Variants in ACO1 observed in about 807,000 individuals in gnomAD.
ACO1 encodes the protein aconitase 1.
Under a neutral mutation model 105.1 loss-of-function variants are expected in ACO1, and 78 were observed. That is an observed-to-expected ratio of 0.74 (90% CI 0.62 to 0.90). The LOEUF is 0.90. Among genes scored for constraint, ACO1 ranks in the 40% least tolerant of loss-of-function variants. The pLI, the probability that ACO1 is intolerant of heterozygous loss-of-function variation, is 0.00. For synonymous variants in ACO1, 364 were observed against 397.4 expected, an observed-to-expected ratio of 0.92 and a Z score of 1.00; for missense variants, 965 against 1,111.1, an observed-to-expected ratio of 0.87 and a Z score of 1.87.
intron 15 of ACO1, 22 bp downstream of exon 15, chr9:32,431,865 C>T (rs2118517139): frequency 6.2e-7 from 1 of 1,613,242 alleles, no homozygotes; most frequent in East Asian, 2.2e-5. Context: ...CACTGCCCTC[C>T]CCGCCCCAGA....
At chr9:32,431,989 T>G in intron 15 of ACO1, 146 bp downstream of exon 15, 1 of 986,014 alleles carries the variant, frequency 1.0e-6, no homozygotes, top group Non-Finnish European at 1.4e-6. Context: ...GAGGTGGTTC[T>G]CCGTCATTTT....
At position 32,394,261 on chromosome 9, in the gene ACO1, C is replaced by G. The variant is rs1013558428; in HGVS notation, c.-23+9526C>G. 2.6e-5 allele frequency among the ~76,000 whole-genome samples: 4 copies of G among 152,204 alleles called. No homozygotes were observed. In the South Asian group the frequency reaches 8.3e-4, roughly 32 times the overall value. ...TCCCTAGAGTCCTTTCTCTCCCCCT[C>G]TGATGCTCTGATGCTGGATTAGGTG... On this transcript the variant is annotated intron_variant, in intron 1 of 20. Coordinates refer to ENST00000309951, the MANE Select transcript of ACO1 (RefSeq NM_002197.3).
At chr9:32,434,147 A>C (rs187017702) in intron 16 of ACO1, among the ~76,000 whole-genome samples, 101 of 152,282 alleles carry the variant, frequency 6.6e-4, no homozygotes, top group African/African-American at 2.4e-3. Flanking sequence ...CCTTATACCC[A>C]TAAAAACCAG....
intron 4 of ACO1, among the ~76,000 whole-genome samples, chr9:32,414,826 T>C (rs1433124864): frequency 6.6e-6 from 1 of 152,178 alleles, no homozygotes; most frequent in Non-Finnish European, 1.5e-5. Flanking sequence ...TTTAAAAAAA[T>C]TAAATCCATT....
Position 32,452,125 on chromosome 9 carries a change from CAAGTT to C in ACO1, c.*2018_*2022del, listed in dbSNP as rs944312028. ...ATTGTACAAAAAAACCTGTGATCCT[CAAGTT>C]AAGATCAGTCCTAGAATAAAAACAC... On this transcript the variant is annotated 3_prime_UTR_variant, in exon 21 of 21. Coordinates refer to ENST00000309951, the MANE Select transcript of ACO1 (RefSeq NM_002197.3). 1 of 152,048 alleles carries C rather than the reference CAAGTT, an allele frequency of 6.6e-6. No homozygotes were observed. The highest frequency in any genetic ancestry group is 1.5e-5 in the Non-Finnish European group (1 of 68,036). The allele number at this position is 152,048 out of a possible 1,614,324, so 9.4% of individuals were successfully genotyped here.
chr9:32,417,017 C>T (rs778268543), intron 4 of ACO1, among the ~76,000 whole-genome samples: 1 of 152,150 alleles, frequency 6.6e-6, no homozygotes, highest in Non-Finnish European at 1.5e-5. Context: ...CTGCCACAGT[C>T]GCTGTTAACT....
At chr9:32,434,023 A>T (rs1822298978) in intron 16 of ACO1, among the ~76,000 whole-genome samples, 191 bp downstream of exon 16, 1 of 152,116 alleles carries the variant, frequency 6.6e-6, no homozygotes, top group Non-Finnish European at 1.5e-5. Context: ...TAGTTTCTCT[A>T]TGCAGGGGTT....
At chr9:32,386,994 C>T (rs574419765) in intron 1 of ACO1, among the ~76,000 whole-genome samples, 25 of 152,194 alleles carry the variant, frequency 1.6e-4, no homozygotes, top group African/African-American at 5.8e-4. Flanking sequence ...AGAGCAGTAC[C>T]CCCTACCTAA....
At chr9:32,406,195 A>G (rs927617897) in intron 2 of ACO1, among the ~76,000 whole-genome samples, 6 of 152,226 alleles carry the variant, frequency 3.9e-5, no homozygotes, top group African/African-American at 1.4e-4. Flanking sequence ...TTCCTTTGAA[A>G]GATGTACGTG....
chr9:32,436,218 T>C, intron 17 of ACO1, 32 bp from the exon 18 acceptor site: 17 of 1,613,484 alleles, frequency 1.1e-5, no homozygotes, highest in Non-Finnish European at 1.4e-5. Context: ...CTTGCTTCAC[T>C]AAGCCAGCTC....
At chr9:32,433,141 A>G (rs1344594952) in intron 15 of ACO1, among the ~76,000 whole-genome samples, 1 of 152,072 alleles carries the variant, frequency 6.6e-6, no homozygotes, top group East Asian at 1.9e-4. Flanking sequence ...TTCAGCCCAC[A>G]CTCAACAGGA....
At chr9:32,401,302 T>C (rs889489662) in intron 1 of ACO1, among the ~76,000 whole-genome samples, 1 of 152,022 alleles carries the variant, frequency 6.6e-6, no homozygotes, top group African/African-American at 2.4e-5. Context: ...GTAGTACTTT[T>C]TTCAACTCTA....
intron 14 of ACO1, 57 bp downstream of exon 14, chr9:32,430,631 A>G (rs1822206930): frequency 7.9e-6 from 12 of 1,525,464 alleles, no homozygotes; most frequent in Non-Finnish European, 1.1e-5. Flanking sequence ...AAATATTACT[A>G]GAAGAAACTG....
intron 19 of ACO1, among the ~76,000 whole-genome samples, chr9:32,446,432 T>C (rs1279772077): frequency 6.6e-6 from 1 of 152,132 alleles, no homozygotes; most frequent in Non-Finnish European, 1.5e-5. Flanking sequence ...TTGCTTTCCA[T>C]TTAGTTGGTA....
At chr9:32,424,226 C>T (rs1212427448) in intron 9 of ACO1, among the ~76,000 whole-genome samples, 1 of 152,118 alleles carries the variant, frequency 6.6e-6, no homozygotes, top group East Asian at 1.9e-4. Context: ...CTAACTTAGC[C>T]ATATAAAACG....
Position 32,448,758 on chromosome 9 carries a change from G to A in ACO1, c.2371-138G>A, listed in dbSNP as rs2118587159. ...AATGCAGAAATCACTCGCCTTCTGT[G>A]TCAGTCTCACTGGGAGCTGCAGACT... is the stretch of plus-strand genomic sequence containing the variant. On this transcript the variant is annotated intron_variant, in intron 19 of 20. Transcript: ENST00000309951. 7.1e-6 allele frequency: 6 copies of A among 848,260 alleles called. No homozygotes were observed. In the Middle Eastern group the frequency reaches 7.3e-4, roughly 103 times the overall value. The allele number at this position is 848,260 out of a possible 1,614,324, so 52.5% of individuals were successfully genotyped here.
chr9:32,415,956 G>A (rs1226532280), intron 4 of ACO1, among the ~76,000 whole-genome samples: 1 of 152,054 alleles, frequency 6.6e-6, no homozygotes, highest in Non-Finnish European at 1.5e-5. Flanking sequence ...GGTCACATTT[G>A]GCCCATGGGC....
chr9:32,416,985 T>G (rs866669130), intron 4 of ACO1, among the ~76,000 whole-genome samples: 3 of 152,204 alleles, frequency 2.0e-5, no homozygotes, highest in East Asian at 1.9e-4. Flanking sequence ...TGTGGTGGTG[T>G]TAACTACCAC....
chr9:32,394,653 G>T (rs1054909299), intron 1 of ACO1, among the ~76,000 whole-genome samples: 42 of 152,168 alleles, frequency 2.8e-4, no homozygotes, highest in African/African-American at 8.9e-4. Context: ...TTGCGTTCCA[G>T]TTCCCTCTCT....
Sources: gnomAD v4.1 joint callset for allele counts (sites outside exome capture counted in the v4.1 genomes callset) on GRCh38, gnomAD v4.1.1 for gene constraint, MANE v1.5 for transcripts, NCBI Gene and HGNC (gene_info 2026-07-23, HGNC 2026-07-21) for gene names.